Variants in JPH2 observed in about 807,000 individuals in gnomAD.
The protein encoded by JPH2 is junctophilin 2.
Under a neutral mutation model 55.9 loss-of-function variants are expected in JPH2, and 38 were observed. The observed-to-expected ratio is 0.68, with a 90% confidence interval of 0.52 to 0.89. JPH2 has a LOEUF of 0.89. JPH2 is among the 40% of genes least tolerant of loss of function. The pLI, the probability that JPH2 is intolerant of heterozygous loss-of-function variation, is 0.00. For synonymous variants in JPH2, 480 were observed against 472.4 expected, an observed-to-expected ratio of 1.02 and a Z score of -0.21; for missense variants, 964 against 1,037.6, an observed-to-expected ratio of 0.93 and a Z score of 0.97.
At chr20:44,114,743 T>C in intron 5 of JPH2, 39 bp downstream of exon 5, 3 of 1,473,558 alleles carry the variant, frequency 2.0e-6, no homozygotes, top group South Asian at 1.2e-5. Flanking sequence ...CCCCAGGGGC[T>C]CCTGCCCCCC....
rs983800136 is a variant in JPH2, at chr20:44,164,691, C to T, written c.380-4284G>A. Among the ~76,000 whole-genome samples the T allele has an allele frequency of 8.1e-4, 123 of 151,312 alleles. 1 individual carries two copies. The highest frequency in any genetic ancestry group is 2.9e-3 in the African/African-American group (121 of 41,024). Reference sequence around the variant, plus strand: ...CTCAAAAAACAAACAAACAAACAAACAAACAAACAAACAAACAAACAAACA... The same window carrying T: ...CTCAAAAAACAAACAAACAAACAAATAAACAAACAAACAAACAAACAAACA... On this transcript the variant is annotated intron_variant, in intron 1 of 5. Coordinates refer to ENST00000372980, the MANE Select transcript of JPH2 (RefSeq NM_020433.5).
intron 1 of JPH2, among the ~76,000 whole-genome samples, chr20:44,184,782 C>T (rs1035140378): frequency 2.0e-5 from 3 of 152,220 alleles, no homozygotes; most frequent in South Asian, 4.1e-4. Context: ...TGCCCACCCT[C>T]ACAAACGTAA....
At chr20:44,124,973 G>C (rs977059842) in intron 2 of JPH2, among the ~76,000 whole-genome samples, 3 of 124,582 alleles carry the variant, frequency 2.4e-5, no homozygotes, top group African/African-American at 9.7e-5. Context: ...GCTGGGCACG[G>C]TGGTGCGCAC....
intron 1 of JPH2, among the ~76,000 whole-genome samples, chr20:44,162,758 A>AC (rs2072620199): frequency 1.9e-5 from 1 of 53,602 alleles, no homozygotes; most frequent in Non-Finnish European, 3.7e-5. Context: ...ATATATATAT[A>AC]TATATATATA....
intron 1 of JPH2, among the ~76,000 whole-genome samples, chr20:44,164,707 CAAACAAACA>C (rs1167387758): frequency 8.8e-5 from 13 of 148,494 alleles, no homozygotes; most frequent in African/African-American, 1.8e-4. Context: ...AACAAACAAA[CAAACAAACA>C]AACCTATAGT....
chr20:44,166,975 C>G (rs2072660297), intron 1 of JPH2, among the ~76,000 whole-genome samples: 1 of 152,210 alleles, frequency 6.6e-6, no homozygotes. Context: ...TCATCTTGGA[C>G]TGCTCACCAC....
rs1361322369 is a variant in JPH2 at position 44,115,622 on chromosome 20, C to T, written c.2010+43G>A. On this transcript the variant is annotated intron_variant, in intron 4 of 5. Transcript: ENST00000372980. ...AATCCTCCCTCAAGCCCTGCTACCT[C>T]TAGGGAACCCGACCTTAGGCACACC... 3.1e-6 allele frequency: 5 copies of T among 1,611,402 alleles called. No homozygotes were observed. In the East Asian group the frequency reaches 8.9e-5, roughly 29 times the overall value.
At chr20:44,154,438 C>T (rs1019487308) in intron 2 of JPH2, among the ~76,000 whole-genome samples, 2 of 152,212 alleles carry the variant, frequency 1.3e-5, no homozygotes, top group Non-Finnish European at 2.9e-5. Context: ...TTTGGACCAG[C>T]CACATTCCAA....
intron 2 of JPH2, among the ~76,000 whole-genome samples, chr20:44,124,098 G>A (rs74913603): frequency 0.085 from 12,926 of 152,126 alleles, 574 homozygotes; most frequent in Non-Finnish European, 0.099. Flanking sequence ...GATTTCGTTC[G>A]GATTAACTTT....
At chr20:44,118,758 C>T (rs1367704553) in intron 2 of JPH2, 135 bp from the exon 3 acceptor site, 2 of 747,790 alleles carry the variant, frequency 2.7e-6, no homozygotes, top group Non-Finnish European at 4.7e-6. Flanking sequence ...TTTATTGAGC[C>T]TCATGGCCCA....
chr20:44,171,033 T>C (rs2072693365), intron 1 of JPH2, among the ~76,000 whole-genome samples: 2 of 152,184 alleles, frequency 1.3e-5, no homozygotes, highest in Non-Finnish European at 2.9e-5. Context: ...CTGCTGCCAC[T>C]CATCTTCTTC....
chr20:44,185,966 C>G lies in JPH2; in HGVS notation c.379+361G>C, dbSNP rs1039849702. On this transcript the variant is annotated intron_variant, in intron 1 of 5. Coordinates refer to ENST00000372980, the MANE Select transcript of JPH2 (RefSeq NM_020433.5). ...TATTGCTTGAAAATAATTTTCATGGCAAAGTTAAGACTAGACCCTAATTCT... is the reference window on the plus strand; with the variant it reads ...TATTGCTTGAAAATAATTTTCATGGGAAAGTTAAGACTAGACCCTAATTCT... Among the ~76,000 whole-genome samples the G allele has an allele frequency of 1.1e-4, 17 of 152,074 alleles. 1 individual carries two copies. The highest frequency in any genetic ancestry group is 4.1e-4 in the African/African-American group (17 of 41,396).
intron 2 of JPH2, among the ~76,000 whole-genome samples, chr20:44,126,704 C>G (rs1229369648): frequency 1.3e-5 from 2 of 152,250 alleles, no homozygotes; most frequent in African/African-American, 4.8e-5. Context: ...TCCATTCATT[C>G]TCATTCGGCA....
At chr20:44,138,235 T>C (rs1213572311) in intron 2 of JPH2, among the ~76,000 whole-genome samples, 1 of 152,068 alleles carries the variant, frequency 6.6e-6, no homozygotes, top group Non-Finnish European at 1.5e-5. Context: ...CTCGAACTCC[T>C]GACCTCGTGA....
At chr20:44,136,111 G>A (rs2072411422) in intron 2 of JPH2, among the ~76,000 whole-genome samples, 2 of 152,212 alleles carry the variant, frequency 1.3e-5, no homozygotes, top group African/African-American at 4.8e-5. Flanking sequence ...CAGGTCCACA[G>A]GAGGTGCTTC....
intron 1 of JPH2, among the ~76,000 whole-genome samples, chr20:44,162,057 C>T (rs112654339): frequency 1.3e-5 from 2 of 152,206 alleles, no homozygotes; most frequent in Non-Finnish European, 2.9e-5. Flanking sequence ...TCTCTGCCTT[C>T]GTCTTTGTAC....
chr20:44,147,118 C>A (rs2072498681), intron 2 of JPH2, among the ~76,000 whole-genome samples: 1 of 152,136 alleles, frequency 6.6e-6, no homozygotes, highest in African/African-American at 2.4e-5. Flanking sequence ...CAAGAGGAAC[C>A]AAATTGACCA....
At chr20:44,185,469 A>AAT (rs1555862060) in intron 1 of JPH2, among the ~76,000 whole-genome samples, 4,027 of 149,646 alleles carry the variant, frequency 0.027, 206 homozygotes, top group African/African-American at 0.093. Context: ...ACAAAAAAAA[A>AAT]AATAATAATA....
At chr20:44,166,243 C>G (rs1600861930) in intron 1 of JPH2, among the ~76,000 whole-genome samples, 1 of 152,264 alleles carries the variant, frequency 6.6e-6, no homozygotes, top group East Asian at 1.9e-4. Context: ...TCAGAAAAAA[C>G]TAAGGCCCAT....
Sources: gnomAD v4.1 joint callset for allele counts (sites outside exome capture counted in the v4.1 genomes callset) on GRCh38, gnomAD v4.1.1 for gene constraint, MANE v1.5 for transcripts, NCBI Gene and HGNC (gene_info 2026-07-23, HGNC 2026-07-21) for gene names.